GLYATL1B: variants seen among roughly 807,000 people sequenced by gnomAD.
GLYATL1B encodes the protein glycine-N-acyltransferase like 1B.
A neutral mutation model predicts 5.5 loss-of-function variants in GLYATL1B; 6 were observed. That is an observed-to-expected ratio of 1.09 (90% CI 0.60 to 2.15). GLYATL1B has a LOEUF of 2.15. Ranked by LOEUF, GLYATL1B falls within the 30% of genes most tolerant of loss-of-function variation. GLYATL1B has a pLI of 0.00. For missense variants in GLYATL1B, 135 were observed against 94.1 expected (o/e 1.43, Z -1.80); for synonymous variants, 67 against 34.9 (o/e 1.92, Z -3.24).
chr11:59,090,111 T>C (rs1234335842), intron 2 of GLYATL1B, among the ~76,000 whole-genome samples: 2 of 152,112 alleles, frequency 1.3e-5, no homozygotes, highest in African/African-American at 2.4e-5. Context: ...TAAATGTCTA[T>C]TTTGTCATAT....
intron 2 of GLYATL1B, among the ~76,000 whole-genome samples, chr11:59,088,708 A>T (rs1048396180): frequency 6.6e-6 from 1 of 152,238 alleles, no homozygotes; most frequent in Non-Finnish European, 1.5e-5. Context: ...TAGTTTTTAT[A>T]TAGTGAGTCA....
intron 1 of GLYATL1B, 117 bp from the exon 2 acceptor site, chr11:59,086,947 A>T: frequency 2.3e-6 from 1 of 440,084 alleles, no homozygotes; most frequent in Non-Finnish European, 4.0e-6. Context: ...TCATCTCATC[A>T]TCACTGACTT....
At chr11:59,088,439 A>G (rs1216450070) in intron 2 of GLYATL1B, among the ~76,000 whole-genome samples, 1 of 152,144 alleles carries the variant, frequency 6.6e-6, no homozygotes, top group Non-Finnish European at 1.5e-5. Context: ...CTGAGCCCCC[A>G]CATAATAATA....
rs891490546 is a variant in GLYATL1B, at chr11:59,094,496, G to A, written c.619G>A (p.Ala207Thr). 28 of 805,652 alleles carry A rather than the reference G, an allele frequency of 3.5e-5. No homozygotes were observed. The African/African-American group carries it at 4.1e-4, about 12-fold the overall frequency. 49.9% of individuals were successfully genotyped at this position (805,652 alleles called of 1,614,324 possible). A position where few individuals can be genotyped will look rare whatever the true frequency, so the allele number is the denominator to read the frequency against. Residue 207 changes from alanine to threonine, a missense_variant, in exon 5 of 5, where the codon GCA becomes ACA. Ala to Thr is a moderately conservative substitution (Grantham distance 58). Coordinates refer to ENST00000527482, the MANE Select transcript of GLYATL1B (RefSeq NM_001355566.1). ...CAAGCGCTGCCTAGGAGCCCTGCCA[G>A]CAGCCTGTATGCTGGGCCCAGAGGG... ...YIKRCLGALP[A>T]ACMLGPEGVP...
chr11:59,086,447 G>C (rs1356662114), intron 1 of GLYATL1B, 63 bp downstream of exon 1: 2 of 397,558 alleles, frequency 5.0e-6, no homozygotes, highest in African/African-American at 2.1e-5. Flanking sequence ...AAACTAACAG[G>C]CTCATGAATC....
At chr11:59,092,994 T>G (rs1169369739) in intron 2 of GLYATL1B, among the ~76,000 whole-genome samples, 1 of 152,194 alleles carries the variant, frequency 6.6e-6, no homozygotes, top group Non-Finnish European at 1.5e-5. Flanking sequence ...GTTAAATTCA[T>G]CTTGTGCCGA....
chr11:59,088,942 G>A (rs771722003), intron 2 of GLYATL1B, among the ~76,000 whole-genome samples: 1 of 152,116 alleles, frequency 6.6e-6, no homozygotes, highest in South Asian at 2.1e-4. Context: ...ATTTTTCTTT[G>A]TTGGTTCCTA....
At chr11:59,093,381 C>G (rs1859360597) in intron 2 of GLYATL1B, 148 bp from the exon 3 acceptor site, 4 of 375,868 alleles carry the variant, frequency 1.1e-5, no homozygotes, top group East Asian at 3.8e-5. Context: ...TTATAGGTCT[C>G]ACTTATATTA....
In GLYATL1B at chr11:59,089,044, C is replaced by G. The variant is rs190681629; in HGVS notation, c.186+1873C>G. On this transcript the variant is annotated intron_variant, in intron 2 of 4. Coordinates refer to ENST00000527482, the MANE Select transcript of GLYATL1B (RefSeq NM_001355566.1). ...ACCTCTCACCTCTTTGCCCTCCTCT[C>G]CTCCATTCCTACCCTTTGGGGTAAT... 9.7e-4 allele frequency among the ~76,000 whole-genome samples: 147 copies of G among 152,302 alleles called. 1 individual carries two copies. Among genetic ancestry groups the G allele is most frequent in the Admixed American group, 2.2e-3 (33 of 15,304 alleles).
intron 2 of GLYATL1B, among the ~76,000 whole-genome samples, chr11:59,091,428 T>C (rs494765): frequency 6.6e-5 from 10 of 152,316 alleles, no homozygotes; most frequent in Admixed American, 1.3e-4. Flanking sequence ...TCTTGGAGTA[T>C]GGACAGATCC....
chr11:59,087,546 G>A (rs12576350), intron 2 of GLYATL1B, among the ~76,000 whole-genome samples: 39,299 of 151,950 alleles, frequency 0.26, 5,843 homozygotes, highest in South Asian at 0.39. Context: ...TAGTCTACCA[G>A]TAAAATTACA....
At chr11:59,090,369 G>A (rs1003812281) in intron 2 of GLYATL1B, among the ~76,000 whole-genome samples, 6 of 151,988 alleles carry the variant, frequency 3.9e-5, no homozygotes, top group Admixed American at 1.3e-4. Flanking sequence ...AGACAATTGT[G>A]GAAGCATTAA....
At chr11:59,092,914 C>T (rs762751130) in intron 2 of GLYATL1B, among the ~76,000 whole-genome samples, 1 of 152,206 alleles carries the variant, frequency 6.6e-6, no homozygotes, top group African/African-American at 2.4e-5. Context: ...CTGGACACTG[C>T]AGATTCTAGA....
intron 2 of GLYATL1B, among the ~76,000 whole-genome samples, chr11:59,089,346 AC>A (rs1318591442): frequency 6.6e-6 from 1 of 152,134 alleles, no homozygotes; most frequent in Non-Finnish European, 1.5e-5. Flanking sequence ...CATCCTGGAA[AC>A]TTTTCTCAAT....
At chr11:59,087,939 T>G (rs1859224019) in intron 2 of GLYATL1B, among the ~76,000 whole-genome samples, 1 of 152,228 alleles carries the variant, frequency 6.6e-6, no homozygotes, top group Admixed American at 6.5e-5. Context: ...CGTTAGTGAC[T>G]GTCATCATCA....
intron 2 of GLYATL1B, among the ~76,000 whole-genome samples, chr11:59,092,608 G>T (rs1859339406): frequency 6.6e-6 from 1 of 152,080 alleles, no homozygotes; most frequent in Admixed American, 6.5e-5. Flanking sequence ...ATTAATACAT[G>T]CACTGCTAAA....
chr11:59,089,347 C>T (rs776826457), intron 2 of GLYATL1B, among the ~76,000 whole-genome samples: 24 of 152,156 alleles, frequency 1.6e-4, no homozygotes, highest in Non-Finnish European at 1.0e-4. Context: ...ATCCTGGAAA[C>T]TTTTCTCAAT....
chr11:59,092,127 T>C (rs2135383087), intron 2 of GLYATL1B, among the ~76,000 whole-genome samples: 1 of 152,268 alleles, frequency 6.6e-6, no homozygotes, highest in African/African-American at 2.4e-5. Flanking sequence ...CTTTTTCCTT[T>C]TCTGTTTCCA....
intron 2 of GLYATL1B, among the ~76,000 whole-genome samples, chr11:59,090,352 C>G (rs1357490572): frequency 6.6e-6 from 1 of 151,858 alleles, no homozygotes; most frequent in Non-Finnish European, 1.5e-5. Flanking sequence ...ATTGGAGGAG[C>G]TTTTTTAGAC....
Sources: allele counts gnomAD v4.1 joint callset (sites outside exome capture counted in the v4.1 genomes callset), GRCh38; gene constraint gnomAD v4.1.1; transcripts MANE v1.5; gene names NCBI Gene and HGNC (gene_info 2026-07-23, HGNC 2026-07-21).